Variants in UBTF observed in about 807,000 individuals in gnomAD.
UBTF encodes the protein nucleolar transcription factor 1.
UBTF carries 8 observed loss-of-function variants against 112.3 expected under a neutral mutation model. That is an observed-to-expected ratio of 0.07 (90% CI 0.04 to 0.13). The LOEUF (loss-of-function observed/expected upper bound fraction) is 0.13. UBTF is among the 10% of genes least tolerant of loss of function. UBTF has a pLI of 1.00. For missense variants in UBTF, 457 were observed against 982.1 expected (o/e 0.47, Z 7.15); for synonymous variants, 417 against 373.1 (o/e 1.12, Z -1.36).
At chr17:44,216,169 T>A (rs1281204144) in intron 3 of UBTF, 180 bp from the exon 4 acceptor site, 1 of 634,592 alleles carries the variant, frequency 1.6e-6, no homozygotes, top group East Asian at 2.7e-5. Context: ...GGCCCATGCC[T>A]ACCGCAGAGG....
upstream of UBTF, among the ~76,000 whole-genome samples, chr17:44,220,171 G>A (rs969974090): frequency 2.0e-5 from 3 of 151,786 alleles, no homozygotes; most frequent in Non-Finnish European, 4.4e-5. Flanking sequence ...GGCGCCGAGA[G>A]CGACCTCGCC....
intron 8 of UBTF, 61 bp from the exon 9 acceptor site, chr17:44,212,067 A>G (rs1192356353): frequency 7.2e-6 from 6 of 838,424 alleles, no homozygotes; most frequent in East Asian, 4.5e-5. Context: ...GGGCAGGGGC[A>G]GGGGGAGAGC....
Position 44,210,882 on chromosome 17 carries a change from C to A in UBTF, c.1269G>T (p.Arg423=). ...AMFIFSEEKR[R]QLQEERPELS... is the part of the protein sequence containing the mutation. The stretch of plus-strand genomic sequence containing the variant: ...GCTCAGGCCGCTCCTCCTGCAGCTG[C>A]CGCCGTTTCTCCTCCGAGAAGATGA... Residue 423 remains arginine, a synonymous_variant, in exon 13 of 21, where the codon CGG becomes CGT. Coordinates refer to ENST00000436088, the MANE Select transcript of UBTF (RefSeq NM_014233.4). 1 of 1,593,490 alleles carries A rather than the reference C, an allele frequency of 6.3e-7. No homozygotes were observed. The highest frequency in any genetic ancestry group is 8.5e-7 in the Non-Finnish European group (1 of 1,170,362).
upstream of UBTF, among the ~76,000 whole-genome samples, chr17:44,220,358 C>T (rs2047124699): frequency 6.6e-6 from 1 of 151,856 alleles, no homozygotes; most frequent in African/African-American, 2.4e-5. Context: ...GGCCAGCTCT[C>T]TCCCGCCTCC....
Position 44,211,021 on chromosome 17 carries a change from G to T in UBTF, c.1203+18C>A. The T allele has an allele frequency of 6.2e-7, 1 of 1,606,392 alleles. No homozygotes were observed. On this transcript the variant is annotated intron_variant, in intron 12 of 20. Transcript: ENST00000436088. The surrounding 1 kb of genome is among the most constrained non-coding windows in gnomAD (Gnocchi z 4.9). ...AGTCTTGCCCACCCCCGCCTGCGCG[G>T]CCGCACCCTCTGCCCACCTTGCCCC... is the stretch of plus-strand genomic sequence containing the variant.
chr17:44,214,111 T>C (rs2046724297), intron 5 of UBTF, among the ~76,000 whole-genome samples: 1 of 152,226 alleles, frequency 6.6e-6, no homozygotes, highest in Admixed American at 6.5e-5. Context: ...TCCCACACAA[T>C]GTCCATCTCT....
At chr17:44,220,109 G>T (rs1462244641), upstream of UBTF, among the ~76,000 whole-genome samples, 1 of 146,738 alleles carries the variant, frequency 6.8e-6, no homozygotes, top group East Asian at 2.1e-4. Flanking sequence ...GGGGCAGGGA[G>T]ACACGCAGCC....
chr17:44,218,244 G>A lies in UBTF; in HGVS notation c.-15C>T. On this transcript the variant is annotated 5_prime_UTR_variant, in exon 2 of 21. Transcript: ENST00000436088. ...TCTCCGTTCATCCTCCAGCTGTCCA[G>A]CCACCTCCTCGGTCGTGCTGGCCGG... 1 of 1,611,804 alleles carries A rather than the reference G, an allele frequency of 6.2e-7. No homozygotes were observed.
At chr17:44,210,093 A>G in intron 15 of UBTF, 31 bp downstream of exon 15, 5 of 1,612,090 alleles carry the variant, frequency 3.1e-6, no homozygotes, top group Admixed American at 1.7e-5. Context: ...CGAGCTTTCA[A>G]TGAATGGGGT....
At position 44,210,246 on chromosome 17, in the gene UBTF, T is replaced by C. The variant is rs201130764; in HGVS notation, c.1516-12A>G. The C allele has an allele frequency of 1.9e-6, 3 of 1,614,248 alleles. No individual in the cohort carries two copies. Among genetic ancestry groups the C allele is most frequent in the African/African-American group, 2.7e-5 (2 of 75,076 alleles). On this transcript the variant is annotated splice_polypyrimidine_tract_variant and intron_variant, in intron 14 of 20. Transcript: ENST00000436088. ...TTCACCCGGTCATTCTGGGGACCAA[T>C]AAGGGTATCAGCCGTGGGAGGGGTC...
At position 44,205,164 on chromosome 17, in the gene UBTF, T is replaced by C. The variant is rs1433565555; in HGVS notation, c.*2078A>G. 6.6e-6 allele frequency: 1 copy of C among 152,538 alleles called. No individual in the cohort carries two copies. Among genetic ancestry groups the C allele is most frequent in the Non-Finnish European group, 1.5e-5 (1 of 68,016 alleles). 9.4% of individuals were successfully genotyped at this position (152,538 alleles called of 1,614,324 possible). On this transcript the variant is annotated 3_prime_UTR_variant, in exon 21 of 21. Coordinates refer to ENST00000436088, the MANE Select transcript of UBTF (RefSeq NM_014233.4). ...ATGATACAAATTCAAGTTGTGGTGG[T>C]TGTTGAATCCTACAAAACACTCCTT...
chr17:44,220,847 C>G (rs1335092419), upstream of UBTF: 1 of 152,206 alleles, frequency 6.6e-6, no homozygotes, highest in Non-Finnish European at 1.5e-5. Context: ...AGTCGCCAGA[C>G]AAAGCCCGAG....
At position 44,211,779 on chromosome 17, in the gene UBTF, C is replaced by G; in HGVS notation, c.906-32G>C. On this transcript the variant is annotated intron_variant, in intron 9 of 20. Transcript: ENST00000436088. This position sits in a 1 kb window ranked among gnomAD's most constrained non-coding sequence, Gnocchi z 4.9. The stretch of plus-strand genomic sequence containing the variant: ...GAGCCGCGGGGAGAGAGGTGCAGCC[C>G]GTAAGCGAGCAGGGCAGCAGGCCTT... 2 of 1,599,770 alleles carry G rather than the reference C, an allele frequency of 1.3e-6. No homozygotes were observed. Among genetic ancestry groups the G allele is most frequent in the East Asian group, 2.2e-5 (1 of 44,684 alleles).
intron 8 of UBTF, 121 bp from the exon 9 acceptor site, chr17:44,212,127 T>A: frequency 1.0e-6 from 1 of 993,048 alleles, no homozygotes; most frequent in Non-Finnish European, 1.5e-6. Context: ...TGCGCGTCAG[T>A]GGTGTCACAC....
upstream of UBTF, among the ~76,000 whole-genome samples, chr17:44,220,023 G>A (rs1375920166): frequency 6.8e-6 from 1 of 147,828 alleles, no homozygotes; most frequent in African/African-American, 2.5e-5. Flanking sequence ...GGGGAGGGGG[G>A]TGGTGGTGGT....
chr17:44,205,178 A>T lies in UBTF; in HGVS notation c.*2064T>A, dbSNP rs2056181688. Reference sequence around the variant, plus strand: ...AGTTGTGGTGGTTGTTGAATCCTACAAAACACTCCTTAAATATTAGAAAAG... The same window carrying T: ...AGTTGTGGTGGTTGTTGAATCCTACTAAACACTCCTTAAATATTAGAAAAG... On this transcript the variant is annotated 3_prime_UTR_variant, in exon 21 of 21. Transcript: ENST00000436088. The T allele has an allele frequency of 6.6e-6, 1 of 152,650 alleles. No individual in the cohort carries two copies. The highest frequency in any genetic ancestry group is 1.5e-5 in the Non-Finnish European group (1 of 68,044). 9.5% of individuals were successfully genotyped at this position (152,650 alleles called of 1,614,324 possible). A position where few individuals can be genotyped will look rare whatever the true frequency, so the allele number is the denominator to read the frequency against.
rs1044096759 is a variant in UBTF at position 44,210,217 on chromosome 17, G to A, written c.1533C>T (p.Ala511=). 6.2e-7 allele frequency: 1 copy of A among 1,614,214 alleles called. No homozygotes were observed. Among genetic ancestry groups the A allele is most frequent in the Non-Finnish European group, 8.5e-7 (1 of 1,180,042 alleles). The change falls in exon 15 of 21, where the codon GCC becomes GCT. Residue 511 remains alanine (A), a synonymous_variant. Coordinates refer to ENST00000436088, the MANE Select transcript of UBTF (RefSeq NM_014233.4). Reference sequence around the variant, plus strand: ...TCCAGGTCATTTCCATGGCTTTCAAGGCCTTCACCCGGTCATTCTGGGGAC... The same window carrying A: ...TCCAGGTCATTTCCATGGCTTTCAAAGCCTTCACCCGGTCATTCTGGGGAC... ...LARFKNDRVK[A]LKAMEMTWNN...
chr17:44,212,768 C>T (rs766828319), intron 7 of UBTF, 51 bp downstream of exon 7: 5 of 1,605,856 alleles, frequency 3.1e-6, no homozygotes, highest in East Asian at 2.2e-5. Flanking sequence ...GCGGCTCCCC[C>T]CTGGCCACCG....
Position 44,208,030 on chromosome 17 carries a change from C to T in UBTF, c.1906-119G>A. ...TATATCATCACCCCATCTTACCCCT[C>T]CCAGGCTCCCTAGATTTTGGGTCTC... On this transcript the variant is annotated intron_variant, in intron 17 of 20. Coordinates refer to ENST00000436088, the MANE Select transcript of UBTF (RefSeq NM_014233.4). 3 of 1,275,610 alleles carry T rather than the reference C, an allele frequency of 2.4e-6. No individual in the cohort carries two copies. In the South Asian group the frequency reaches 4.1e-5, roughly 17 times the overall value. The allele number at this position is 1,275,610 out of a possible 1,614,324, so 79.0% of individuals were successfully genotyped here. A position where few individuals can be genotyped will look rare whatever the true frequency, so the allele number is the denominator to read the frequency against.
Sources: allele counts gnomAD v4.1 joint callset (sites outside exome capture counted in the v4.1 genomes callset), GRCh38; gene constraint gnomAD v4.1.1; non-coding constraint Gnocchi (gnomAD v3.1); transcripts MANE v1.5; gene names NCBI Gene and HGNC (gene_info 2026-07-23, HGNC 2026-07-21).